UQCC1: variants seen among roughly 807,000 people sequenced by gnomAD.
UQCC1 encodes the protein ubiquinol-cytochrome c reductase complex assembly factor 1, also known as bFGF-repressed Zic-binding protein.
A neutral mutation model predicts 48.0 loss-of-function variants in UQCC1; 38 were observed. The observed-to-expected ratio is 0.79, with a 90% confidence interval of 0.61 to 1.04. UQCC1 has a LOEUF of 1.04. UQCC1 is among the 50% of genes least tolerant of loss of function. The pLI is 0.00. For synonymous variants in UQCC1, 111 were observed against 129.2 expected (o/e 0.86, Z 0.95); for missense variants, 368 against 381.8 (o/e 0.96, Z 0.30).
chr20:35,389,075 A>T (rs2061982576), intron 2 of UQCC1, among the ~76,000 whole-genome samples: 1 of 152,014 alleles, frequency 6.6e-6, no homozygotes, highest in Non-Finnish European at 1.5e-5. Context: ...AAAAATAAAA[A>T]ATAAAAAAAA....
intron 5 of UQCC1, among the ~76,000 whole-genome samples, chr20:35,368,578 T>C (rs572460165): frequency 4.6e-5 from 7 of 152,234 alleles, no homozygotes; most frequent in African/African-American, 1.7e-4. Flanking sequence ...CCAGATCTAC[T>C]GCAAGCCATG....
intron 3 of UQCC1, among the ~76,000 whole-genome samples, chr20:35,382,744 G>A (rs994230681): frequency 1.4e-4 from 21 of 151,210 alleles, no homozygotes; most frequent in African/African-American, 4.8e-4. Context: ...TCTCCTGACC[G>A]CATGATCTGC....
At chr20:35,341,322 GA>G (rs2061376556) in intron 7 of UQCC1, among the ~76,000 whole-genome samples, 1 of 151,960 alleles carries the variant, frequency 6.6e-6, no homozygotes, top group Admixed American at 6.5e-5. Context: ...TCCATTAGAA[GA>G]TGGAAAAGTA....
intron 1 of UQCC1, among the ~76,000 whole-genome samples, chr20:35,411,510 G>A (rs1458313233): frequency 6.6e-6 from 1 of 152,076 alleles, no homozygotes; most frequent in African/African-American, 2.4e-5. Context: ...AATCTAAAGG[G>A]ACTGCAGGAG....
chr20:35,344,786 T>C (rs1409922792), intron 7 of UQCC1: 1 of 152,326 alleles, frequency 6.6e-6, no homozygotes, highest in Non-Finnish European at 1.5e-5. Flanking sequence ...TGTCATTTTG[T>C]ATGCTAATGA....
intron 6 of UQCC1, among the ~76,000 whole-genome samples, chr20:35,359,521 C>T (rs985070096): frequency 1.3e-5 from 2 of 152,198 alleles, no homozygotes; most frequent in African/African-American, 4.8e-5. Context: ...TGCTGACCTC[C>T]TGCCAGGTAC....
chr20:35,337,316 G>A (rs2061325973), intron 7 of UQCC1, among the ~76,000 whole-genome samples: 1 of 151,980 alleles, frequency 6.6e-6, no homozygotes, highest in South Asian at 2.1e-4. Flanking sequence ...AGCCTCCCAA[G>A]TAGCTGGGAC....
At chr20:35,375,740 C>T (rs926029013) in intron 4 of UQCC1, among the ~76,000 whole-genome samples, 3 of 151,178 alleles carry the variant, frequency 2.0e-5, no homozygotes, top group African/African-American at 4.9e-5. Flanking sequence ...CGGCTGAGCC[C>T]AGGAGTTGGA....
chr20:35,340,839 G>A (rs911236292), intron 7 of UQCC1, among the ~76,000 whole-genome samples: 2 of 151,526 alleles, frequency 1.3e-5, no homozygotes, highest in Admixed American at 6.6e-5. Flanking sequence ...AAAGAGAGGC[G>A]ATTTGGTGAC....
At chr20:35,370,230 GTTTCT>G (rs1568687540) in intron 5 of UQCC1, among the ~76,000 whole-genome samples, 1 of 149,612 alleles carries the variant, frequency 6.7e-6, no homozygotes. Flanking sequence ...GCTTTCTCTT[GTTTCT>G]TTTTTTTTTT....
chr20:35,337,774 A>G (rs753256837), intron 7 of UQCC1, among the ~76,000 whole-genome samples: 2 of 152,216 alleles, frequency 1.3e-5, no homozygotes, highest in Non-Finnish European at 2.9e-5. Context: ...CAGCAGATTG[A>G]GAAATCTAAA....
At chr20:35,397,645 T>C (rs1048020758) in intron 1 of UQCC1, among the ~76,000 whole-genome samples, 2 of 152,134 alleles carry the variant, frequency 1.3e-5, no homozygotes, top group African/African-American at 4.8e-5. Flanking sequence ...AGCACCTATA[T>C]TGTATTAAAT....
intron 8 of UQCC1, 107 bp from the exon 9 acceptor site, chr20:35,306,886 G>A: frequency 1.2e-6 from 1 of 858,946 alleles, no homozygotes; most frequent in Non-Finnish European, 2.0e-6. Context: ...AGCTCAGAAG[G>A]GCCCTCCACG....
At chr20:35,335,365 T>C (rs773387244) in intron 7 of UQCC1, among the ~76,000 whole-genome samples, 2 of 152,230 alleles carry the variant, frequency 1.3e-5, no homozygotes, top group Non-Finnish European at 2.9e-5. Context: ...ACTAAATGTC[T>C]ATTAACTGAT....
intron 8 of UQCC1, among the ~76,000 whole-genome samples, chr20:35,312,509 G>A (rs2061005616): frequency 6.6e-6 from 1 of 152,148 alleles, no homozygotes; most frequent in South Asian, 2.1e-4. Flanking sequence ...TCCCCACCCA[G>A]CCAAGGTGAC....
At chr20:35,379,391 T>C (rs947142555) in intron 4 of UQCC1, among the ~76,000 whole-genome samples, 1 of 152,336 alleles carries the variant, frequency 6.6e-6, no homozygotes, top group East Asian at 1.9e-4. Context: ...GTGCATTGAT[T>C]TGAGTCAACA....
At chr20:35,410,776 A>AC (rs1568722616) in intron 1 of UQCC1, among the ~76,000 whole-genome samples, 1 of 145,808 alleles carries the variant, frequency 6.9e-6, no homozygotes, top group African/African-American at 2.5e-5. Flanking sequence ...AAAAAAAAAA[A>AC]ACCACTAAAT....
At chr20:35,329,717 C>T (rs900378127) in intron 7 of UQCC1, among the ~76,000 whole-genome samples, 16 of 152,316 alleles carry the variant, frequency 1.1e-4, no homozygotes, top group Admixed American at 9.2e-4. Context: ...CAGATCCTGG[C>T]GGAGCTACTG....
chr20:35,371,274 T>G (rs144464669), intron 5 of UQCC1, among the ~76,000 whole-genome samples: 41 of 152,082 alleles, frequency 2.7e-4, no homozygotes, highest in African/African-American at 9.2e-4. Context: ...TCTAAGAAAT[T>G]TCTGAGTTAT....
Sources: gnomAD v4.1 joint callset for allele counts (sites outside exome capture counted in the v4.1 genomes callset) on GRCh38, gnomAD v4.1.1 for gene constraint, MANE v1.5 for transcripts, NCBI Gene and HGNC (gene_info 2026-07-23, HGNC 2026-07-21) for gene names.